UBE2V1: variants seen among roughly 807,000 people sequenced by gnomAD.
UBE2V1 encodes ubiquitin conjugating enzyme E2 V1.
In UBE2V1, 15 loss-of-function variants were observed where a neutral mutation model predicts 19.6. That is an observed-to-expected ratio of 0.77 (90% CI 0.51 to 1.18). The LOEUF (loss-of-function observed/expected upper bound fraction) is 1.18. UBE2V1 is among the 50% of genes most tolerant of loss of function. The pLI, the probability that UBE2V1 is intolerant of heterozygous loss-of-function variation, is 0.00. For synonymous variants in UBE2V1, 60 were observed against 60.7 expected (o/e 0.99, Z 0.05); for missense variants, 125 against 184.8 (o/e 0.68, Z 1.88).
chr20:50,094,382 T>TA (rs1413015860), intron 2 of UBE2V1, among the ~76,000 whole-genome samples: 1 of 148,526 alleles, frequency 6.7e-6, no homozygotes, highest in African/African-American at 2.5e-5. Flanking sequence ...CAGGTGTAGA[T>TA]AAAAAAATAA....
intron 2 of UBE2V1, among the ~76,000 whole-genome samples, chr20:50,093,990 A>AT (rs1406398201): frequency 1.7e-3 from 108 of 63,994 alleles, no homozygotes; most frequent in African/African-American, 9.7e-3. Flanking sequence ...TCCAACTCAA[A>AT]AAAAAAAAAA....
Position 50,113,149 on chromosome 20 carries a change from A to G in UBE2V1, c.-21T>C. The G allele has an allele frequency of 1.5e-6, 2 of 1,333,638 alleles. No individual in the cohort carries two copies. Among genetic ancestry groups the G allele is most frequent in the Non-Finnish European group, 1.9e-6 (2 of 1,028,498 alleles). 82.6% of individuals were successfully genotyped at this position (1,333,638 alleles called of 1,614,324 possible). ...GCCATCTTGCGTCGCTCTTGCTTGA[A>G]GGCCGGCCCCTTCTTCACCCCCCCC... On this transcript the variant is annotated 5_prime_UTR_variant, in exon 1 of 4. Transcript: ENST00000371674.
chr20:50,094,710 T>C (rs918843619), intron 2 of UBE2V1, among the ~76,000 whole-genome samples: 4 of 144,102 alleles, frequency 2.8e-5, no homozygotes, highest in African/African-American at 1.0e-4. Flanking sequence ...CTGATGATTG[T>C]CAAAGATGGG....
intron 2 of UBE2V1, chr20:50,094,894 C>G (rs987363284): frequency 6.6e-6 from 1 of 152,124 alleles, no homozygotes; most frequent in Non-Finnish European, 1.5e-5. Context: ...TTACCAAAAA[C>G]AAATACATGG....
chr20:50,113,492 A>G (rs2080910457), upstream of UBE2V1, among the ~76,000 whole-genome samples: 1 of 152,178 alleles, frequency 6.6e-6, no homozygotes, highest in African/African-American at 2.4e-5. Context: ...TCTAGTTCCT[A>G]TCTAGATCCT....
intron 3 of UBE2V1, among the ~76,000 whole-genome samples, chr20:50,083,522 G>A (rs960622526): frequency 6.6e-5 from 10 of 152,188 alleles, no homozygotes; most frequent in African/African-American, 9.7e-5. Flanking sequence ...TCTCAAAGAC[G>A]AAGGCTTGGC....
At chr20:50,102,275 C>CA (rs1184483472) in intron 1 of UBE2V1, among the ~76,000 whole-genome samples, 2 of 152,170 alleles carry the variant, frequency 1.3e-5, no homozygotes, top group Admixed American at 6.5e-5. Flanking sequence ...CAACAAAAAA[C>CA]AAAAAAACTG....
In UBE2V1 at chr20:50,082,607, T is replaced by C; in HGVS notation, c.*161A>G. On this transcript the variant is annotated 3_prime_UTR_variant, in exon 4 of 4. Coordinates refer to ENST00000371674, the MANE Select transcript of UBE2V1 (RefSeq NM_001032288.3). ...ATTTCAAATGGACAAAAAATTAGTA[T>C]CATTTACAGTATCTTAAGATAAATT... is the stretch of plus-strand genomic sequence containing the variant. 2 of 1,288,806 alleles carry C rather than the reference T, an allele frequency of 1.6e-6. No individual in the cohort carries two copies. The highest frequency in any genetic ancestry group is 1.6e-5 in the South Asian group (1 of 60,988). 79.8% of individuals were successfully genotyped at this position (1,288,806 alleles called of 1,614,324 possible).
At chr20:50,088,443 A>T (rs1157597123) in intron 2 of UBE2V1, among the ~76,000 whole-genome samples, 1 of 152,228 alleles carries the variant, frequency 6.6e-6, no homozygotes, top group East Asian at 1.9e-4. Flanking sequence ...CTACCTTTGC[A>T]ACTTTTCTAT....
At chr20:50,105,924 AAAAAAAC>A (rs1319622286) in intron 1 of UBE2V1, among the ~76,000 whole-genome samples, 44 of 151,972 alleles carry the variant, frequency 2.9e-4, no homozygotes, top group African/African-American at 1.0e-3. Context: ...AGACTCGTCA[AAAAAAAC>A]AAAAAACAAA....
chr20:50,092,670 A>C (rs753378773), intron 2 of UBE2V1, among the ~76,000 whole-genome samples: 5 of 152,226 alleles, frequency 3.3e-5, no homozygotes, highest in African/African-American at 4.8e-5. Flanking sequence ...GGACAGCTAG[A>C]CATTTGCCAG....
At chr20:50,111,609 CAAG>C (rs1291977605) in intron 1 of UBE2V1, 1 of 999,030 alleles carries the variant, frequency 1.0e-6, no homozygotes, top group Non-Finnish European at 1.2e-6. Flanking sequence ...CGCTATTCTG[CAAG>C]AAGACCCCAC....
chr20:50,106,753 T>C (rs992454823), intron 1 of UBE2V1, among the ~76,000 whole-genome samples: 13 of 151,818 alleles, frequency 8.6e-5, no homozygotes, highest in African/African-American at 2.9e-4. Flanking sequence ...CACTTGAACC[T>C]GAACCTGGGA....
chr20:50,114,761 ACT>A (rs202207791), upstream of UBE2V1, among the ~76,000 whole-genome samples: 34 of 151,950 alleles, frequency 2.2e-4, no homozygotes, highest in East Asian at 5.6e-3. Context: ...CAGGTGAGTG[ACT>A]CCTTAAAATC....
chr20:50,098,216 C>T (rs2079759586), intron 1 of UBE2V1, among the ~76,000 whole-genome samples: 1 of 152,126 alleles, frequency 6.6e-6, no homozygotes, highest in South Asian at 2.1e-4. Context: ...GTCTTTGAGA[C>T]AGAGCAAACA....
chr20:50,088,592 C>G (rs973056924), intron 2 of UBE2V1, among the ~76,000 whole-genome samples: 1 of 152,042 alleles, frequency 6.6e-6, no homozygotes, highest in Non-Finnish European at 1.5e-5. Flanking sequence ...TCAAGACCAG[C>G]CTGGGCAACA....
chr20:50,101,380 CTT>C (rs1186104543), intron 1 of UBE2V1, among the ~76,000 whole-genome samples: 1 of 150,110 alleles, frequency 6.7e-6, no homozygotes, highest in Non-Finnish European at 1.5e-5. Context: ...CTCAAGAATG[CTT>C]TATACTCTCA....
upstream of UBE2V1, chr20:50,113,163 T>C (rs1182928402): frequency 2.3e-6 from 3 of 1,294,174 alleles, no homozygotes; most frequent in East Asian, 3.1e-5. Context: ...CGGCCCCTTC[T>C]TCACCCCCCC....
At chr20:50,095,242 C>A (rs988083530) in intron 2 of UBE2V1, 1 of 152,154 alleles carries the variant, frequency 6.6e-6, no homozygotes, top group Non-Finnish European at 1.5e-5. Flanking sequence ...AAACCGAAAT[C>A]ATTCTTAGGA....
Sources: gnomAD v4.1 joint callset for allele counts (sites outside exome capture counted in the v4.1 genomes callset) on GRCh38, gnomAD v4.1.1 for gene constraint, MANE v1.5 for transcripts, NCBI Gene and HGNC (gene_info 2026-07-23, HGNC 2026-07-21) for gene names.